PDE4B: variants seen among roughly 807,000 people sequenced by gnomAD.
The protein encoded by PDE4B is 3',5'-cyclic-AMP phosphodiesterase 4B.
A neutral mutation model predicts 82.2 loss-of-function variants in PDE4B; 20 were observed. The observed-to-expected ratio is 0.24, with a 90% CI of 0.17 to 0.35. The LOEUF is 0.35. Ranked by LOEUF, PDE4B falls within the 10% of genes least tolerant of loss-of-function variation. The pLI is 1.00. For missense variants in PDE4B, 655 were observed against 907.2 expected, an observed-to-expected ratio of 0.72 and a Z score of 3.57; for synonymous variants, 320 against 318.9, an observed-to-expected ratio of 1.00 and a Z score of -0.04.
intron 3 of PDE4B, among the ~76,000 whole-genome samples, chr1:65,970,454 A>T (rs1393665430): frequency 6.6e-6 from 1 of 152,124 alleles, no homozygotes; most frequent in African/African-American, 2.4e-5. Context: ...ATATTCTGGG[A>T]TTCATACTTT....
At position 66,364,097 on chromosome 1, in the gene PDE4B, G is replaced by A. The variant is rs143063382; in HGVS notation, c.1284+526G>A. Among the ~76,000 whole-genome samples the A allele has an allele frequency of 1.6e-3, 240 of 152,098 alleles. 3 individuals are homozygous for A. The highest frequency in any genetic ancestry group is 1.0e-3 in the Non-Finnish European group (69 of 67,998). The stretch of plus-strand genomic sequence containing the variant: ...TCTCAAAATATCTTGTTCAGTGTCC[G>A]GTAAATAGTATATTCTCAATATGCA... On this transcript the variant is annotated intron_variant, in intron 12 of 16. Transcript: ENST00000341517.
intron 3 of PDE4B, among the ~76,000 whole-genome samples, chr1:65,982,249 T>C (rs1650726453): frequency 6.6e-6 from 1 of 152,236 alleles, no homozygotes; most frequent in South Asian, 2.1e-4. Flanking sequence ...TGTTCTAGTT[T>C]CTTTGTGAAA....
intron 8 of PDE4B, among the ~76,000 whole-genome samples, chr1:66,342,783 C>A (rs1661100025): frequency 6.6e-6 from 1 of 151,712 alleles, no homozygotes; most frequent in Non-Finnish European, 1.5e-5. Flanking sequence ...GTGGCTCACG[C>A]CTGTAATCCC....
At position 66,165,253 on chromosome 1, in the gene PDE4B, T is replaced by G. The variant is rs144949851; in HGVS notation, c.282-82207T>G. Among the ~76,000 whole-genome samples, 1,283 of 152,292 alleles carry G rather than the reference T, an allele frequency of 8.4e-3. 27 individuals carry two copies. Among genetic ancestry groups the G allele is most frequent in the African/African-American group, 0.029 (1,197 of 41,546 alleles). On this transcript the variant is annotated intron_variant, in intron 3 of 16. Transcript: ENST00000341517. Reference sequence around the variant, plus strand: ...GTTTGAAAAGTATGGTTTCTGGTATTTATAATAGCTATTGTTATTAATACT... The same window carrying G: ...GTTTGAAAAGTATGGTTTCTGGTATGTATAATAGCTATTGTTATTAATACT...
intron 1 of PDE4B, 31 bp from the exon 2 acceptor site, chr1:65,913,214 G>A: frequency 1.0e-6 from 1 of 965,710 alleles, no homozygotes; most frequent in Non-Finnish European, 1.7e-6. Flanking sequence ...ATACAGAGCT[G>A]TTCTTTTTTG....
intron 3 of PDE4B, among the ~76,000 whole-genome samples, chr1:65,931,728 A>T (rs576769403): frequency 1.3e-4 from 20 of 152,300 alleles, no homozygotes; most frequent in Middle Eastern, 3.4e-3. Flanking sequence ...AAAATTCAGG[A>T]CACCCTCATG....
At chr1:66,308,688 C>G (rs2101858846) in intron 7 of PDE4B, among the ~76,000 whole-genome samples, 1 of 152,218 alleles carries the variant, frequency 6.6e-6, no homozygotes, top group African/African-American at 2.4e-5. Flanking sequence ...TACAGTTGTT[C>G]CAGTAGATTT....
chr1:65,875,476 A>AT (rs1372146483), intron 1 of PDE4B, among the ~76,000 whole-genome samples: 1 of 145,222 alleles, frequency 6.9e-6, no homozygotes, highest in Admixed American at 7.0e-5. Context: ...ACTATAAATC[A>AT]TGCTGCTATA....
At chr1:66,033,817 A>G (rs1296953896) in intron 3 of PDE4B, among the ~76,000 whole-genome samples, 1 of 144,402 alleles carries the variant, frequency 6.9e-6, no homozygotes, top group Non-Finnish European at 1.5e-5. Context: ...TAAGCTTTCC[A>G]TTCAAATTAT....
chr1:66,167,971 A>C (rs1242637953), intron 3 of PDE4B, among the ~76,000 whole-genome samples: 1 of 152,212 alleles, frequency 6.6e-6, no homozygotes. Flanking sequence ...GTCCTTCTCA[A>C]AAATTATATT....
At chr1:65,811,819 T>C (rs1282077263) in intron 1 of PDE4B, among the ~76,000 whole-genome samples, 1 of 152,150 alleles carries the variant, frequency 6.6e-6, no homozygotes, top group African/African-American at 2.4e-5. Flanking sequence ...CATATACTTT[T>C]ATTTCAATAA....
chr1:66,359,844 T>A (rs1227809552), intron 9 of PDE4B, among the ~76,000 whole-genome samples: 1 of 152,198 alleles, frequency 6.6e-6, no homozygotes, highest in East Asian at 1.9e-4. Context: ...TGCCAGAGAT[T>A]GTGTGGCAGG....
chr1:66,309,305 A>T (rs7514592), intron 7 of PDE4B, among the ~76,000 whole-genome samples: 16,565 of 152,222 alleles, frequency 0.11, 1,354 homozygotes, highest in African/African-American at 0.23. Context: ...GGAAATGCAG[A>T]CAAGTACATG....
intron 3 of PDE4B, among the ~76,000 whole-genome samples, chr1:65,938,773 T>G (rs764872366): frequency 6.6e-6 from 1 of 152,154 alleles, no homozygotes; most frequent in Non-Finnish European, 1.5e-5. Flanking sequence ...ATTTTTAGTT[T>G]TATTTGGTTG....
chr1:66,161,346 AGGGT>A (rs1646609670), intron 3 of PDE4B, among the ~76,000 whole-genome samples: 1 of 152,104 alleles, frequency 6.6e-6, no homozygotes, highest in African/African-American at 2.4e-5. Context: ...ATTCTCAGAA[AGGGT>A]GCTAAGAAAT....
At chr1:65,897,563 C>G (rs894840354) in intron 1 of PDE4B, among the ~76,000 whole-genome samples, 2 of 152,042 alleles carry the variant, frequency 1.3e-5, no homozygotes, top group Non-Finnish European at 2.9e-5. Context: ...TTAGCTCCCA[C>G]TTGTAAGTGA....
chr1:66,308,920 T>C (rs1658474763), intron 7 of PDE4B, among the ~76,000 whole-genome samples: 1 of 152,228 alleles, frequency 6.6e-6, no homozygotes. Flanking sequence ...CTGCATGTTC[T>C]ACTCTATAGT....
intron 7 of PDE4B, among the ~76,000 whole-genome samples, chr1:66,312,918 C>A (rs1421679616): frequency 6.6e-6 from 1 of 152,236 alleles, no homozygotes; most frequent in Non-Finnish European, 1.5e-5. Context: ...TGCTCTGTAG[C>A]ACTTTCTGTG....
At chr1:66,205,387 T>G (rs1406881376) in intron 3 of PDE4B, among the ~76,000 whole-genome samples, 1 of 152,236 alleles carries the variant, frequency 6.6e-6, no homozygotes, top group African/African-American at 2.4e-5. Flanking sequence ...TTTATATATT[T>G]TTTCTTCTGA....
Sources: allele counts gnomAD v4.1 joint callset (sites outside exome capture counted in the v4.1 genomes callset), GRCh38; gene constraint gnomAD v4.1.1; transcripts MANE v1.5; gene names NCBI Gene and HGNC (gene_info 2026-07-23, HGNC 2026-07-21).